DPP10: variants seen among roughly 807,000 people sequenced by gnomAD.
DPP10 encodes the protein dipeptidyl peptidase like 10.
DPP10 carries 33 observed loss-of-function variants against 120.9 expected under a neutral mutation model. The ratio of observed to expected loss-of-function variants is 0.27; its 90% confidence interval spans 0.21 to 0.37. DPP10 has a LOEUF of 0.37. DPP10 is among the 10% of genes least tolerant of loss of function. The pLI is 1.00. For synonymous variants in DPP10, 337 were observed against 326.1 expected, an observed-to-expected ratio of 1.03 and a Z score of -0.36; for missense variants, 816 against 942.8, an observed-to-expected ratio of 0.87 and a Z score of 1.76.
chr2:115,492,703 G>A (rs1405993499), intron 3 of DPP10, among the ~76,000 whole-genome samples: 3 of 152,228 alleles, frequency 2.0e-5, no homozygotes, highest in African/African-American at 7.2e-5. Flanking sequence ...ACAGTAAGAT[G>A]TGTTGGTATA....
intron 1 of DPP10, among the ~76,000 whole-genome samples, chr2:114,685,106 C>A (rs1428201390): frequency 6.6e-6 from 1 of 151,968 alleles, no homozygotes; most frequent in Non-Finnish European, 1.5e-5. Context: ...TCCTCATTTT[C>A]TTTCTTCTAA....
intron 1 of DPP10, among the ~76,000 whole-genome samples, chr2:115,195,935 A>G (rs1335849923): frequency 2.6e-5 from 4 of 152,194 alleles, no homozygotes; most frequent in Non-Finnish European, 5.9e-5. Flanking sequence ...GAAAAACTGG[A>G]TTTGTCATGA....
chr2:115,623,604 T>G (rs2149290906), intron 5 of DPP10, among the ~76,000 whole-genome samples: 1 of 152,250 alleles, frequency 6.6e-6, no homozygotes, highest in Non-Finnish European at 1.5e-5. Context: ...AGCTTACAAT[T>G]TATGGAAAGA....
chr2:115,729,004 A>T (rs1180319346), intron 8 of DPP10, among the ~76,000 whole-genome samples: 1 of 152,236 alleles, frequency 6.6e-6, no homozygotes, highest in Admixed American at 6.5e-5. Context: ...TGTACATGCC[A>T]GCATGAAATA....
chr2:115,678,404 A>T lies in DPP10; in HGVS notation c.442-11283A>T, dbSNP rs528945145. On this transcript the variant is annotated intron_variant, in intron 5 of 25. Coordinates refer to ENST00000410059, the MANE Select transcript of DPP10 (RefSeq NM_020868.6). ...AAGGGGCCGCGGCACAGCTCTGGCC[A>T]TTGCTTCAGGTGCAAGCACCCAGTC... Among the ~76,000 whole-genome samples the T allele has an allele frequency of 1.0e-3, 159 of 152,348 alleles. 1 individual carries two copies. The highest frequency in any genetic ancestry group is 3.6e-3 in the African/African-American group (148 of 41,586).
intron 1 of DPP10, among the ~76,000 whole-genome samples, chr2:114,998,489 G>A (rs1391898167): frequency 2.0e-5 from 3 of 152,122 alleles, no homozygotes; most frequent in Non-Finnish European, 4.4e-5. Context: ...TTTATTATAA[G>A]GATACAGTCA....
At chr2:114,682,241 T>C (rs1699072956) in intron 1 of DPP10, among the ~76,000 whole-genome samples, 1 of 151,914 alleles carries the variant, frequency 6.6e-6, no homozygotes, top group African/African-American at 2.4e-5. Flanking sequence ...CTGTGTAGCA[T>C]GGATGGAACT....
intron 2 of DPP10, among the ~76,000 whole-genome samples, chr2:115,330,412 T>C (rs2062647559): frequency 1.3e-5 from 2 of 151,154 alleles, no homozygotes; most frequent in Non-Finnish European, 1.5e-5. Flanking sequence ...GTAGTTTCTT[T>C]TGCTGTGCAG....
chr2:115,559,055 C>A (rs1275397550), intron 5 of DPP10, among the ~76,000 whole-genome samples: 1 of 152,186 alleles, frequency 6.6e-6, no homozygotes, highest in Non-Finnish European at 1.5e-5. Context: ...AAGAGGAAAT[C>A]ATTACAGCAT....
intron 1 of DPP10, among the ~76,000 whole-genome samples, chr2:114,570,776 T>A (rs1245963759): frequency 2.2e-5 from 3 of 138,138 alleles, no homozygotes; most frequent in African/African-American, 8.3e-5. Flanking sequence ...GAGCTTGCAG[T>A]GAGCAGAGCT....
chr2:114,537,343 C>A (rs1374916226), intron 1 of DPP10, among the ~76,000 whole-genome samples: 1 of 151,962 alleles, frequency 6.6e-6, no homozygotes, highest in Non-Finnish European at 1.5e-5. Context: ...CAGTTAGGAT[C>A]TCTCGGAAGG....
chr2:115,498,095 T>C (rs920882756), intron 3 of DPP10, among the ~76,000 whole-genome samples: 19 of 152,046 alleles, frequency 1.2e-4, no homozygotes, highest in Non-Finnish European at 1.9e-4. Context: ...ATCTCCTTAC[T>C]TTCCTCCTTC....
intron 5 of DPP10, among the ~76,000 whole-genome samples, chr2:115,544,042 G>GAA (rs548402679): frequency 3.6e-5 from 5 of 138,898 alleles, no homozygotes; most frequent in African/African-American, 1.3e-4. Flanking sequence ...AATAATTAAA[G>GAA]AAAAAAAAAA....
At chr2:114,763,613 T>C (rs1427775840) in intron 1 of DPP10, among the ~76,000 whole-genome samples, 1 of 152,162 alleles carries the variant, frequency 6.6e-6, no homozygotes, top group East Asian at 1.9e-4. Flanking sequence ...CTATTATATA[T>C]GATAATAAGT....
intron 1 of DPP10, among the ~76,000 whole-genome samples, chr2:114,812,734 G>C (rs1416794242): frequency 2.0e-5 from 3 of 151,482 alleles, no homozygotes; most frequent in Non-Finnish European, 2.9e-5. Context: ...TTGTTTGTTT[G>C]TCTGTCTTTG....
intron 5 of DPP10, among the ~76,000 whole-genome samples, chr2:115,559,174 A>G (rs1463069296): frequency 6.6e-6 from 1 of 152,312 alleles, no homozygotes; most frequent in Non-Finnish European, 1.5e-5. Flanking sequence ...ACATTACTGA[A>G]CACTATCATT....
chr2:115,030,325 C>G (rs1340665308), intron 1 of DPP10, among the ~76,000 whole-genome samples: 1 of 152,072 alleles, frequency 6.6e-6, no homozygotes, highest in Non-Finnish European at 1.5e-5. Context: ...TAAGCCCAGT[C>G]TCTATTAATC....
intron 5 of DPP10, among the ~76,000 whole-genome samples, chr2:115,576,483 G>A (rs35094031): frequency 6.6e-6 from 1 of 151,934 alleles, no homozygotes; most frequent in African/African-American, 2.4e-5. Flanking sequence ...TATGAAAATT[G>A]CTTCATTTAA....
At chr2:114,835,137 C>G (rs1228665940) in intron 1 of DPP10, 2 of 149,106 alleles carry the variant, frequency 1.3e-5, no homozygotes, top group Non-Finnish European at 3.0e-5. Flanking sequence ...TAAGACATAT[C>G]TACACACCTA....
Sources: allele counts gnomAD v4.1 joint callset (sites outside exome capture counted in the v4.1 genomes callset), GRCh38; gene constraint gnomAD v4.1.1; transcripts MANE v1.5; gene names NCBI Gene and HGNC (gene_info 2026-07-23, HGNC 2026-07-21).